MDGA2: variants seen among roughly 807,000 people sequenced by gnomAD.
MDGA2 encodes the protein MAM domain containing glycosylphosphatidylinositol anchor 2, also known as MAM domain-containing glycosylphosphatidylinositol anchor protein 2.
Under a neutral mutation model 117.8 loss-of-function variants are expected in MDGA2, and 40 were observed. The ratio of observed to expected loss-of-function variants is 0.34; its 90% confidence interval spans 0.26 to 0.44. MDGA2 has a LOEUF of 0.44. MDGA2 is among the 20% of genes least tolerant of loss of function. The pLI, the probability that MDGA2 is intolerant of heterozygous loss-of-function variation, is 1.00. For synonymous variants in MDGA2, 452 were observed against 439.0 expected, an observed-to-expected ratio of 1.03 and a Z score of -0.37; for missense variants, 1,123 against 1,250.6, an observed-to-expected ratio of 0.90 and a Z score of 1.54.
intron 5 of MDGA2, among the ~76,000 whole-genome samples, chr14:47,100,317 T>C (rs936718836): frequency 2.0e-5 from 3 of 152,126 alleles, no homozygotes; most frequent in African/African-American, 7.2e-5. Flanking sequence ...ACCACCCTCA[T>C]TCTATCCATT....
chr14:46,845,789 G>A lies in MDGA2; in HGVS notation c.2966C>T (p.Ala989Val), dbSNP rs748948616. ...DDVSIAEGEC[A>V]KQDLATKNSV... ...ACTCTTAGTTGCTAGGTCTTGTTTT[G>A]CACATTCTCCTTCTGCAATTGATAC... The change falls in exon 16 of 17, where the codon GCA (alanine) becomes GTA (valine). Residue 989 changes from alanine (A) to valine (V), a missense_variant. Ala to Val is a moderately conservative substitution (Grantham distance 64). Coordinates refer to ENST00000399232, the MANE Select transcript of MDGA2 (RefSeq NM_001113498.3). The A allele has an allele frequency of 8.7e-6, 14 of 1,612,546 alleles. No homozygotes were observed. The South Asian group carries it at 1.5e-4, about 18-fold the overall frequency.
intron 1 of MDGA2, among the ~76,000 whole-genome samples, chr14:47,638,526 T>C (rs1958629): frequency 0.31 from 47,181 of 152,092 alleles, 8,053 homozygotes; most frequent in Middle Eastern, 0.41. Flanking sequence ...TTCACCTTCA[T>C]ATTTATTCAG....
In MDGA2 at chr14:47,674,596, G is replaced by C. The variant is rs1419819831; in HGVS notation, c.201C>G (p.His67Gln). Reference sequence around the variant, plus strand: ...GACCGTACAGTAAATCCATCTTCACGTGAACATGAACATATCCAGCCCAGG... The same window carrying C: ...GACCGTACAGTAAATCCATCTTCACCTGAACATGAACATATCCAGCCCAGG... Reference protein sequence around the residue: ...RTPWAGYVHVHVKMDLLYGLV... With the variant: ...RTPWAGYVHVQVKMDLLYGLV... The change falls in exon 1 of 17, where the codon CAC (histidine) becomes CAG (glutamine). Residue 67 changes from histidine (H) to glutamine (Q), a missense_variant. By Grantham distance (24) the His-to-Gln change is conservative. Transcript: ENST00000399232. 1 of 1,551,082 alleles carries C rather than the reference G, an allele frequency of 6.4e-7. No homozygotes were observed. The highest frequency in any genetic ancestry group is 1.4e-5 in the African/African-American group (1 of 72,992).
chr14:46,865,577 A>C (rs1039417665), intron 14 of MDGA2, among the ~76,000 whole-genome samples: 2 of 152,048 alleles, frequency 1.3e-5, no homozygotes, highest in African/African-American at 4.8e-5. Context: ...AGGGTATTCA[A>C]TTAGGAAAAG....
rs576556086 is a variant in MDGA2 at position 47,254,209 on chromosome 14, T to C, written c.421-36014A>G. 2.2e-4 allele frequency among the ~76,000 whole-genome samples: 34 copies of C among 152,334 alleles called. No individual in the cohort carries two copies. In the South Asian group the frequency reaches 6.6e-3, roughly 30 times the overall value. The stretch of plus-strand genomic sequence containing the variant: ...CACTGTCTTGGTGATCAACATTTGG[T>C]TCCTTGTTACTTATGCAAATTTCTG... On this transcript the variant is annotated intron_variant, in intron 2 of 16. Transcript: ENST00000399232.
intron 14 of MDGA2, among the ~76,000 whole-genome samples, chr14:46,866,605 A>G (rs1258146539): frequency 2.6e-5 from 4 of 152,196 alleles, no homozygotes; most frequent in African/African-American, 9.6e-5. Context: ...TGAACAGGCA[A>G]CCTACAAAAT....
chr14:47,167,850 C>T (rs1883948890), intron 3 of MDGA2, among the ~76,000 whole-genome samples: 3 of 152,110 alleles, frequency 2.0e-5, no homozygotes, highest in South Asian at 2.1e-4. Context: ...TCTTGGTAGA[C>T]CAGCCTTGCA....
At chr14:47,269,879 A>G (rs75294542) in intron 2 of MDGA2, among the ~76,000 whole-genome samples, 4,376 of 152,238 alleles carry the variant, frequency 0.029, 153 homozygotes, top group East Asian at 0.18. Context: ...CTGATGAAAT[A>G]AAGTCTGGAA....
chr14:47,111,077 A>G (rs28532336), intron 5 of MDGA2, among the ~76,000 whole-genome samples: 22,789 of 152,134 alleles, frequency 0.15, 1,837 homozygotes, highest in Non-Finnish European at 0.17. Context: ...GGAGACAATT[A>G]TAGCCCTTAA....
At chr14:47,153,114 T>C (rs1221683144) in intron 3 of MDGA2, among the ~76,000 whole-genome samples, 1 of 152,318 alleles carries the variant, frequency 6.6e-6, no homozygotes, top group Non-Finnish European at 1.5e-5. Context: ...CCATCTATGC[T>C]AAAGAAAATC....
intron 1 of MDGA2, among the ~76,000 whole-genome samples, chr14:47,361,207 C>CTCTATATATATATA (rs61280975): frequency 7.1e-6 from 1 of 140,496 alleles, no homozygotes; most frequent in Non-Finnish European, 1.5e-5. Context: ...CTCTCTCTCT[C>CTCTATATATATATA]TATATATATA....
At chr14:46,946,280 T>A (rs1885170199) in intron 9 of MDGA2, among the ~76,000 whole-genome samples, 1 of 152,046 alleles carries the variant, frequency 6.6e-6, no homozygotes, top group South Asian at 2.1e-4. Flanking sequence ...GAGCTCAATA[T>A]GATATAACTT....
chr14:47,094,185 A>G (rs1485227032), intron 6 of MDGA2, among the ~76,000 whole-genome samples: 1 of 151,998 alleles, frequency 6.6e-6, no homozygotes, highest in Admixed American at 6.6e-5. Flanking sequence ...TTATATACAA[A>G]CTTGATTTTA....
intron 9 of MDGA2, among the ~76,000 whole-genome samples, chr14:46,937,049 C>T (rs1263654202): frequency 6.6e-6 from 1 of 151,954 alleles, no homozygotes; most frequent in Non-Finnish European, 1.5e-5. Flanking sequence ...AACCTAAAGA[C>T]TCTACCAAAA....
chr14:46,877,067 A>G (rs961247754), intron 12 of MDGA2, among the ~76,000 whole-genome samples: 2 of 151,670 alleles, frequency 1.3e-5, no homozygotes, highest in Admixed American at 6.6e-5. Flanking sequence ...GAAAGTCTCA[A>G]TTAAACCCAT....
chr14:46,898,580 T>C (rs889090121), intron 10 of MDGA2, among the ~76,000 whole-genome samples: 2 of 152,120 alleles, frequency 1.3e-5, no homozygotes, highest in African/African-American at 4.8e-5. Flanking sequence ...GGAGGTAACA[T>C]TAAAACTCTG....
intron 4 of MDGA2, among the ~76,000 whole-genome samples, chr14:47,132,993 A>C (rs1882278007): frequency 6.6e-6 from 1 of 151,762 alleles, no homozygotes; most frequent in South Asian, 2.1e-4. Flanking sequence ...AGTTTTGCAA[A>C]TCTGTCAAAT....
At chr14:46,896,291 A>G (rs2138431457) in intron 10 of MDGA2, among the ~76,000 whole-genome samples, 1 of 152,292 alleles carries the variant, frequency 6.6e-6, no homozygotes, top group Admixed American at 6.5e-5. Context: ...TCCTAAAATT[A>G]TAGACATAGA....
At chr14:47,604,645 G>A (rs911601206) in intron 1 of MDGA2, among the ~76,000 whole-genome samples, 5 of 151,796 alleles carry the variant, frequency 3.3e-5, no homozygotes, top group African/African-American at 1.2e-4. Flanking sequence ...CTTCAATCTT[G>A]GTTTTACTCT....
Sources: allele counts gnomAD v4.1 joint callset (sites outside exome capture counted in the v4.1 genomes callset), GRCh38; gene constraint gnomAD v4.1.1; transcripts MANE v1.5; gene names NCBI Gene and HGNC (gene_info 2026-07-23, HGNC 2026-07-21).